The following CPEB2 variants were observed in gnomAD, a reference collection of about 807,000 sequenced individuals.
CPEB2 encodes the protein cytoplasmic polyadenylation element-binding protein 2.
In CPEB2, 56 loss-of-function variants were observed where a neutral mutation model predicts 93.6. That is an observed-to-expected ratio of 0.60 (90% CI 0.48 to 0.75). CPEB2 has a LOEUF of 0.75. Ranked by LOEUF, CPEB2 falls within the 30% of genes least tolerant of loss-of-function variation. CPEB2 has a pLI of 0.00. For synonymous variants in CPEB2, 764 were observed against 586.3 expected (o/e 1.30, Z -4.38); for missense variants, 1,579 against 1,395.1 (o/e 1.13, Z -2.10).
intron 1 of CPEB2, 123 bp from the exon 2 acceptor site, chr4:15,007,182 A>C: frequency 1.3e-6 from 1 of 748,076 alleles, no homozygotes; most frequent in Admixed American, 3.7e-5. Flanking sequence ...ATAACCTAGA[A>C]AAGATGTATT....
At chr4:15,026,541 A>G (rs143080317) in intron 4 of CPEB2, among the ~76,000 whole-genome samples, 1 of 152,154 alleles carries the variant, frequency 6.6e-6, no homozygotes, top group East Asian at 1.9e-4. Context: ...TTTTTAATAT[A>G]TATCTTTCAC....
At chr4:15,005,871 T>C (rs1423205866) in intron 1 of CPEB2, among the ~76,000 whole-genome samples, 1 of 152,214 alleles carries the variant, frequency 6.6e-6, no homozygotes. Flanking sequence ...GTCTTTTGTG[T>C]CTCAGGATCT....
At position 15,007,490 on chromosome 4, in the gene CPEB2, A is replaced by G. The variant is rs1722975566; in HGVS notation, c.1848A>G (p.Lys616=). 1.9e-6 allele frequency: 3 copies of G among 1,614,022 alleles called. No homozygotes were observed. In the Admixed American group the frequency reaches 5.0e-5, roughly 27 times the overall value. ...CTGGTAATGTCATAGCACCACCGAA[A>G]TTTACTCGCTCAACTCCATCACTGA... The part of the protein sequence containing the change: ...PFSGNVIAPP[K]FTRSTPSLTP... Residue 616 remains lysine, a synonymous_variant, in exon 2 of 12, where the codon AAA becomes AAG. Coordinates refer to ENST00000538197, the MANE Select transcript of CPEB2 (RefSeq NM_001177382.2).
At chr4:15,034,282 G>A (rs1323143342) in intron 5 of CPEB2, among the ~76,000 whole-genome samples, 1 of 152,104 alleles carries the variant, frequency 6.6e-6, no homozygotes, top group Non-Finnish European at 1.5e-5. Flanking sequence ...AATTGCCTGG[G>A]GCCATACTGA....
At chr4:15,051,322 C>T (rs887799718) in intron 6 of CPEB2, among the ~76,000 whole-genome samples, 1 of 152,172 alleles carries the variant, frequency 6.6e-6, no homozygotes, top group Non-Finnish European at 1.5e-5. Context: ...ATGCTAAATA[C>T]TCTAGCCTCA....
At position 15,066,612 on chromosome 4, in the gene CPEB2, T is replaced by G. The variant is rs1316718156; in HGVS notation, c.*232T>G. ...GATATTTTCATGTTCAAATAAAATG[T>G]TTTTTTGTATTTTCTCCAAGTTATT... On this transcript the variant is annotated 3_prime_UTR_variant, in exon 12 of 12. Coordinates refer to ENST00000538197, the MANE Select transcript of CPEB2 (RefSeq NM_001177382.2). 2 of 501,262 alleles carry G rather than the reference T, an allele frequency of 4.0e-6. No homozygotes were observed. The highest frequency in any genetic ancestry group is 3.5e-6 in the Non-Finnish European group (1 of 283,016). 31.1% of individuals were successfully genotyped at this position (501,262 alleles called of 1,614,324 possible). A position where few individuals can be genotyped will look rare whatever the true frequency, so the allele number is the denominator to read the frequency against.
chr4:15,010,703 T>C lies in CPEB2; in HGVS notation c.2034+2276T>C, dbSNP rs143063622. On this transcript the variant is annotated intron_variant, in intron 3 of 11. Coordinates refer to ENST00000538197, the MANE Select transcript of CPEB2 (RefSeq NM_001177382.2). ...CTGCATTTCTGACCTTTTATCATCA[T>C]ATACAGTGTAATTCTAGTATATTTT... The C allele has an allele frequency of 2.0e-5, 3 of 152,356 alleles. No individual in the cohort carries two copies. In the East Asian group the frequency reaches 5.8e-4, roughly 29 times the overall value. 9.4% of individuals were successfully genotyped at this position (152,356 alleles called of 1,614,324 possible). A position where few individuals can be genotyped will look rare whatever the true frequency, so the allele number is the denominator to read the frequency against.
At chr4:15,009,275 A>G (rs1723184520) in intron 3 of CPEB2, among the ~76,000 whole-genome samples, 1 of 152,208 alleles carries the variant, frequency 6.6e-6, no homozygotes. Flanking sequence ...TGATTTTACA[A>G]GTAAGGACAT....
intron 3 of CPEB2, among the ~76,000 whole-genome samples, chr4:15,011,680 T>C (rs750876521): frequency 2.6e-4 from 40 of 152,316 alleles, no homozygotes; most frequent in Middle Eastern, 6.8e-3. Flanking sequence ...GGTTACGCTA[T>C]ATTTATTCAT....
chr4:15,043,566 A>G (rs1300965909), intron 6 of CPEB2, among the ~76,000 whole-genome samples: 2 of 152,168 alleles, frequency 1.3e-5, no homozygotes, highest in East Asian at 3.8e-4. Context: ...GGATTGAAGT[A>G]GGATGAGGGT....
At chr4:15,021,240 A>G (rs533335584) in intron 4 of CPEB2, among the ~76,000 whole-genome samples, 3 of 152,268 alleles carry the variant, frequency 2.0e-5, no homozygotes, top group African/African-American at 7.2e-5. Context: ...GTTTCTCTCC[A>G]TTAACATCCT....
Position 15,017,205 on chromosome 4 carries a change from T to C in CPEB2, c.2052T>C (p.Tyr684=). The C allele has an allele frequency of 6.3e-7, 1 of 1,590,910 alleles. No homozygotes were observed. Among genetic ancestry groups the C allele is most frequent in the South Asian group, 1.1e-5 (1 of 90,516 alleles). The part of the protein sequence containing the change: ...SRIDQDRSRM[Y]DSLNMHSLEN... ...TCTTCCAGGATCGAAGTAGAATGTA[T>C]GACAGTTTGAATATGCACTCTTTGG... Residue 684 remains tyrosine, a synonymous_variant, in exon 4 of 12, where the codon TAT becomes TAC. Transcript: ENST00000538197.
chr4:15,027,227 A>G (rs2109015502), intron 4 of CPEB2, among the ~76,000 whole-genome samples: 1 of 152,208 alleles, frequency 6.6e-6, no homozygotes, highest in Non-Finnish European at 1.5e-5. Context: ...TAAATTTTCT[A>G]GTATTAATTG....
At chr4:15,004,516 C>A (rs1162291112) in intron 1 of CPEB2, among the ~76,000 whole-genome samples, 181 bp downstream of exon 1, 3 of 152,088 alleles carry the variant, frequency 2.0e-5, no homozygotes, top group Non-Finnish European at 4.4e-5. Flanking sequence ...GGAACCCCAG[C>A]CCCCGGTGGG....
intron 3 of CPEB2, among the ~76,000 whole-genome samples, chr4:15,009,884 C>T (rs2643087): frequency 0.035 from 5,321 of 152,264 alleles, 125 homozygotes; most frequent in South Asian, 0.14. Context: ...CACCAGCCTC[C>T]GGGGCTGCCC....
intron 3 of CPEB2, among the ~76,000 whole-genome samples, chr4:15,012,350 A>AT (rs74499377): frequency 2.0e-5 from 3 of 151,864 alleles, no homozygotes; most frequent in Admixed American, 2.0e-4. Context: ...ACATTTGTTT[A>AT]TTTTTTTTCT....
Position 15,052,591 on chromosome 4 carries a change from A to G in CPEB2, c.2371+7A>G. 1 of 1,484,984 alleles carries G rather than the reference A, an allele frequency of 6.7e-7. No individual in the cohort carries two copies. Among genetic ancestry groups the G allele is most frequent in the Non-Finnish European group, 9.1e-7 (1 of 1,101,206 alleles). The allele number at this position is 1,484,984 out of a possible 1,614,324, so 92.0% of individuals were successfully genotyped here. On this transcript the variant is annotated splice_region_variant and intron_variant, in intron 7 of 11. Transcript: ENST00000538197. ...CCTCCAGATATTGATGAAGGTATTT[A>G]TTAAGATATTTATTAACATGGTGAT... is the stretch of plus-strand genomic sequence containing the variant.
intron 4 of CPEB2, among the ~76,000 whole-genome samples, chr4:15,018,766 T>A (rs1204376895): frequency 6.7e-6 from 1 of 150,324 alleles, no homozygotes; most frequent in East Asian, 1.9e-4. Context: ...TCCCAGTCTT[T>A]TTTTTTTTTT....
At chr4:15,028,813 C>CA (rs1320318317) in intron 4 of CPEB2, among the ~76,000 whole-genome samples, 1 of 151,886 alleles carries the variant, frequency 6.6e-6, no homozygotes, top group Admixed American at 6.6e-5. Context: ...ATCAGTGTAG[C>CA]AAAAATGGTA....
Sources: gnomAD v4.1 joint callset for allele counts (sites outside exome capture counted in the v4.1 genomes callset) on GRCh38, gnomAD v4.1.1 for gene constraint, MANE v1.5 for transcripts, NCBI Gene and HGNC (gene_info 2026-07-23, HGNC 2026-07-21) for gene names.